Variants in GULP1 observed in about 807,000 individuals in gnomAD.
The protein encoded by GULP1 is GULP PTB domain containing engulfment adaptor 1.
Under a neutral mutation model 40.9 loss-of-function variants are expected in GULP1, and 19 were observed. That is an observed-to-expected ratio of 0.46 (90% CI 0.32 to 0.68). The LOEUF is 0.68. Ranked by LOEUF, GULP1 falls within the 30% of genes least tolerant of loss-of-function variation. GULP1 has a pLI of 0.03. For missense variants in GULP1, 312 were observed against 362.2 expected (o/e 0.86, Z 1.12); for synonymous variants, 119 against 117.6 (o/e 1.01, Z -0.08).
intron 1 of GULP1, among the ~76,000 whole-genome samples, chr2:188,336,446 A>C (rs1225731777): frequency 6.6e-6 from 1 of 152,232 alleles, no homozygotes; most frequent in Non-Finnish European, 1.5e-5. Flanking sequence ...TAGGTGCTGA[A>C]GATACAGCAT....
At chr2:188,408,689 GAT>G (rs2053464310) in intron 2 of GULP1, among the ~76,000 whole-genome samples, 14 of 152,106 alleles carry the variant, frequency 9.2e-5, no homozygotes, top group Admixed American at 7.9e-4. Flanking sequence ...ATATAAAGAA[GAT>G]TCTATCAAAC....
intron 1 of GULP1, among the ~76,000 whole-genome samples, chr2:188,304,405 T>TTTAGAGTGCTATGTCCTAAGCA (rs2036686937): frequency 6.6e-6 from 1 of 152,178 alleles, no homozygotes; most frequent in South Asian, 2.1e-4. Flanking sequence ...AAGAATAGTA[T>TTTAGAGTGCTATGTCCTAAGCA]TTAGAGTGCT....
chr2:188,404,788 T>C (rs982041678), intron 2 of GULP1, among the ~76,000 whole-genome samples: 7 of 152,128 alleles, frequency 4.6e-5, no homozygotes, highest in Non-Finnish European at 8.8e-5. Flanking sequence ...GGCTGCCACC[T>C]GTGGACCCAG....
chr2:188,405,441 GAGGCTCC>G (rs978547438), intron 2 of GULP1, among the ~76,000 whole-genome samples: 28 of 152,044 alleles, frequency 1.8e-4, no homozygotes, highest in African/African-American at 6.5e-4. Context: ...CCTATGGACT[GAGGCTCC>G]AGGCCCACTC....
chr2:188,558,780 T>C (rs1308633317), intron 7 of GULP1, among the ~76,000 whole-genome samples: 1 of 152,194 alleles, frequency 6.6e-6, no homozygotes, highest in African/African-American at 2.4e-5. Flanking sequence ...CAGAGGTAAC[T>C]CTTGTTATGT....
chr2:188,380,522 G>A (rs894972721), intron 1 of GULP1, among the ~76,000 whole-genome samples: 2 of 151,876 alleles, frequency 1.3e-5, no homozygotes, highest in African/African-American at 4.8e-5. Context: ...GGGATTGAAC[G>A]TTTACTTACT....
intron 2 of GULP1, among the ~76,000 whole-genome samples, chr2:188,410,193 A>G (rs972521948): frequency 1.3e-5 from 2 of 152,202 alleles, no homozygotes; most frequent in Non-Finnish European, 2.9e-5. Context: ...CAAAAATAAA[A>G]AAAAACTCAA....
intron 1 of GULP1, among the ~76,000 whole-genome samples, chr2:188,300,840 G>A (rs2035999479): frequency 6.6e-6 from 1 of 152,092 alleles, no homozygotes; most frequent in Non-Finnish European, 1.5e-5. Context: ...TGGGTCTAAG[G>A]TAATAGTTTT....
At chr2:188,385,506 T>C (rs1036044351) in intron 2 of GULP1, among the ~76,000 whole-genome samples, 1 of 152,188 alleles carries the variant, frequency 6.6e-6, no homozygotes, top group African/African-American at 2.4e-5. Context: ...ATCTTGATGA[T>C]TAACATTTGG....
intron 2 of GULP1, among the ~76,000 whole-genome samples, chr2:188,467,778 GA>G (rs1308701953): frequency 6.6e-6 from 1 of 151,994 alleles, no homozygotes. Context: ...TAAAAGATAT[GA>G]AAAAATAAAT....
rs1391137550 is a variant in GULP1, at chr2:188,595,805, G to A, written c.*1794G>A. ...GGCATGATGAAATAGTACATAACTG[G>A]TCATTAATTATGAACATTTATTTCT... is the stretch of plus-strand genomic sequence containing the variant. On this transcript the variant is annotated 3_prime_UTR_variant, in exon 12 of 12. Coordinates refer to ENST00000409830, the MANE Select transcript of GULP1 (RefSeq NM_016315.4). The A allele has an allele frequency of 6.6e-6, 1 of 152,138 alleles. No homozygotes were observed. Among genetic ancestry groups the A allele is most frequent in the Non-Finnish European group, 1.5e-5 (1 of 67,752 alleles). 9.4% of individuals were successfully genotyped at this position (152,138 alleles called of 1,614,324 possible).
rs1324518797 is a variant in GULP1, at chr2:188,594,107, A to C, written c.*96A>C. On this transcript the variant is annotated 3_prime_UTR_variant, in exon 12 of 12. Transcript: ENST00000409830. ...TAAGATAGGTATTATTCATGTGTCA[A>C]TGTTTTTGAATATTTTAATATTTTG... The C allele has an allele frequency of 6.2e-6, 4 of 646,162 alleles. No individual in the cohort carries two copies. The Admixed American group carries it at 1.0e-4, about 17-fold the overall frequency. 40.0% of individuals were successfully genotyped at this position (646,162 alleles called of 1,614,324 possible). A position where few individuals can be genotyped will look rare whatever the true frequency, so the allele number is the denominator to read the frequency against.
At chr2:188,483,734 G>T (rs1484968605) in intron 4 of GULP1, among the ~76,000 whole-genome samples, 1 of 151,894 alleles carries the variant, frequency 6.6e-6, no homozygotes, top group Non-Finnish European at 1.5e-5. Flanking sequence ...AGTGATTTTT[G>T]TTATTGTTAA....
At chr2:188,415,309 T>C (rs140376261) in intron 2 of GULP1, among the ~76,000 whole-genome samples, 2 of 152,256 alleles carry the variant, frequency 1.3e-5, no homozygotes, top group Non-Finnish European at 2.9e-5. Context: ...CAGGGCTAAG[T>C]AGAATGATAT....
rs572656145 is a variant in GULP1 at position 188,401,403 on chromosome 2, T to C, written c.-45+17514T>C. Reference sequence around the variant, plus strand: ...GGCTATTTCTGGGTGCTTTTATTTATGTATTTATTTTTACTTATTTTTAAA... The same window carrying C: ...GGCTATTTCTGGGTGCTTTTATTTACGTATTTATTTTTACTTATTTTTAAA... On this transcript the variant is annotated intron_variant, in intron 2 of 11. Coordinates refer to ENST00000409830, the MANE Select transcript of GULP1 (RefSeq NM_016315.4). 5.9e-5 allele frequency among the ~76,000 whole-genome samples: 9 copies of C among 152,298 alleles called. No homozygotes were observed. In the South Asian group the frequency reaches 1.9e-3, roughly 32 times the overall value.
chr2:188,351,534 C>CTG (rs1234690018), intron 1 of GULP1, among the ~76,000 whole-genome samples: 3 of 152,072 alleles, frequency 2.0e-5, no homozygotes, highest in Non-Finnish European at 4.4e-5. Context: ...AAATTTTTCA[C>CTG]TGAAGTGCAC....
At chr2:188,426,523 T>C (rs2056222706) in intron 2 of GULP1, among the ~76,000 whole-genome samples, 2 of 152,178 alleles carry the variant, frequency 1.3e-5, no homozygotes, top group South Asian at 4.1e-4. Context: ...CATTTCAGAA[T>C]GTGTCAAATA....
chr2:188,362,941 C>T (rs1029761235), intron 1 of GULP1, among the ~76,000 whole-genome samples: 19 of 151,576 alleles, frequency 1.3e-4, no homozygotes, highest in South Asian at 4.2e-4. Context: ...GGGAAAAAGA[C>T]GCTTAATAGG....
intron 1 of GULP1, among the ~76,000 whole-genome samples, chr2:188,352,225 T>C (rs982937520): frequency 1.2e-4 from 18 of 152,182 alleles, no homozygotes; most frequent in Admixed American, 5.9e-4. Flanking sequence ...TGAATAAAGC[T>C]GATTGCCCTC....
Sources: gnomAD v4.1 joint callset for allele counts (sites outside exome capture counted in the v4.1 genomes callset) on GRCh38, gnomAD v4.1.1 for gene constraint, MANE v1.5 for transcripts, NCBI Gene and HGNC (gene_info 2026-07-23, HGNC 2026-07-21) for gene names.